LRP1B: variants seen among roughly 807,000 people sequenced by gnomAD.
The protein encoded by LRP1B is LDL receptor related protein 1B.
A neutral mutation model predicts 556.6 loss-of-function variants in LRP1B; 217 were observed. The observed-to-expected ratio is 0.39, with a 90% CI of 0.35 to 0.44. The LOEUF is 0.44. Ranked by LOEUF, LRP1B falls within the 20% of genes least tolerant of loss-of-function variation. The pLI is 1.00. For synonymous variants in LRP1B, 2,047 were observed against 1,865.8 expected, an observed-to-expected ratio of 1.10 and a Z score of -2.50; for missense variants, 5,053 against 5,620.8, an observed-to-expected ratio of 0.90 and a Z score of 3.23.
intron 13 of LRP1B, among the ~76,000 whole-genome samples, chr2:141,014,317 T>C (rs1476341851): frequency 6.6e-6 from 1 of 152,064 alleles, no homozygotes; most frequent in African/African-American, 2.4e-5. Flanking sequence ...TATTAGTAAA[T>C]AGATAAAAAC....
chr2:140,231,499 A>G lies in LRP1B; in HGVS notation c.*1687T>C, dbSNP rs1365423296. The G allele has an allele frequency of 2.0e-5, 3 of 151,860 alleles. No homozygotes were observed. The highest frequency in any genetic ancestry group is 3.0e-5 in the Non-Finnish European group (2 of 67,612). 9.4% of individuals were successfully genotyped at this position (151,860 alleles called of 1,614,324 possible). The stretch of plus-strand genomic sequence containing the variant: ...GTATTTAACACTTCATTGTAGAAAC[A>G]TAGGCAAAATGACTATATTATAACC... On this transcript the variant is annotated 3_prime_UTR_variant, in exon 91 of 91. Coordinates refer to ENST00000389484, the MANE Select transcript of LRP1B (RefSeq NM_018557.3).
intron 7 of LRP1B, among the ~76,000 whole-genome samples, chr2:141,134,225 T>C (rs1052695657): frequency 1.3e-5 from 2 of 151,848 alleles, no homozygotes; most frequent in African/African-American, 2.4e-5. Flanking sequence ...TTTTGCAATA[T>C]AGCCACGGAT....
chr2:141,282,690 G>A (rs1317530741), intron 3 of LRP1B, among the ~76,000 whole-genome samples: 2 of 151,972 alleles, frequency 1.3e-5, no homozygotes, highest in East Asian at 3.9e-4. Context: ...CTATTAAAGT[G>A]CAGAGGAAGG....
rs147271414 is a variant in LRP1B at position 141,494,204 on chromosome 2, C to T, written c.206-13671G>A. On this transcript the variant is annotated intron_variant, in intron 2 of 90. Transcript: ENST00000389484. ...ATGTCAACATCACAGGTCCAAATACCATATGGTACAAGGATCTGTCTTTCC... is the reference window on the plus strand; with the variant it reads ...ATGTCAACATCACAGGTCCAAATACTATATGGTACAAGGATCTGTCTTTCC... 3.1e-4 allele frequency among the ~76,000 whole-genome samples: 47 copies of T among 152,254 alleles called. No homozygotes were observed. The East Asian group carries it at 4.1e-3, about 13-fold the overall frequency.
chr2:140,755,545 C>T (rs181859707), intron 35 of LRP1B, among the ~76,000 whole-genome samples: 5 of 151,510 alleles, frequency 3.3e-5, no homozygotes, highest in Admixed American at 2.0e-4. Flanking sequence ...TTTATTACAC[C>T]GTATCAACAG....
At chr2:140,365,120 G>A (rs1573850179) in intron 71 of LRP1B, among the ~76,000 whole-genome samples, 1 of 151,152 alleles carries the variant, frequency 6.6e-6, no homozygotes, top group East Asian at 2.0e-4. Context: ...ATATTTTTTA[G>A]TTTTAATTGT....
intron 35 of LRP1B, among the ~76,000 whole-genome samples, chr2:140,744,612 A>G (rs1273831822): frequency 1.3e-5 from 2 of 152,182 alleles, no homozygotes; most frequent in Admixed American, 6.5e-5. Context: ...CTGCCTTTCC[A>G]TGAATCTGTG....
intron 41 of LRP1B, among the ~76,000 whole-genome samples, chr2:140,670,968 C>G (rs149466380): frequency 0.013 from 2,043 of 152,006 alleles, 41 homozygotes; most frequent in Admixed American, 0.045. Flanking sequence ...AAAGCAGGTG[C>G]CTATGATAAA....
chr2:140,242,505 T>C (rs993134511), intron 87 of LRP1B, among the ~76,000 whole-genome samples: 6 of 151,220 alleles, frequency 4.0e-5, no homozygotes, highest in Non-Finnish European at 8.9e-5. Flanking sequence ...CCTGAAAATA[T>C]ACTCTATTTT....
intron 3 of LRP1B, among the ~76,000 whole-genome samples, chr2:141,382,187 G>A (rs7599809): frequency 0.55 from 83,460 of 151,960 alleles, 24,946 homozygotes; most frequent in Non-Finnish European, 0.68. Flanking sequence ...TCATTTCTCA[G>A]CAGTGAACCT....
intron 1 of LRP1B, among the ~76,000 whole-genome samples, chr2:142,024,220 C>G (rs925227610): frequency 9.9e-5 from 15 of 152,180 alleles, no homozygotes; most frequent in African/African-American, 2.9e-4. Context: ...TTTGTTATAA[C>G]CATTAAGATG....
intron 3 of LRP1B, among the ~76,000 whole-genome samples, chr2:141,466,687 T>C (rs1469069834): frequency 6.6e-6 from 1 of 152,136 alleles, no homozygotes; most frequent in African/African-American, 2.4e-5. Context: ...GGCCATTTTT[T>C]GGCCATTTTG....
At chr2:140,419,034 T>G (rs935654567) in intron 66 of LRP1B, among the ~76,000 whole-genome samples, 1 of 152,158 alleles carries the variant, frequency 6.6e-6, no homozygotes, top group Non-Finnish European at 1.5e-5. Flanking sequence ...CAGACATGCC[T>G]GACAATCCAA....
intron 6 of LRP1B, among the ~76,000 whole-genome samples, chr2:141,194,176 C>T (rs979725196): frequency 6.6e-6 from 1 of 152,078 alleles, no homozygotes; most frequent in Admixed American, 6.6e-5. Context: ...TTTTGCCATC[C>T]TGCTGGTTCT....
chr2:140,765,614 T>A (rs1689076093), intron 35 of LRP1B, among the ~76,000 whole-genome samples: 1 of 152,156 alleles, frequency 6.6e-6, no homozygotes, highest in African/African-American at 2.4e-5. Context: ...TTGAACATTT[T>A]AAATCTAGCC....
At chr2:140,302,395 A>G (rs1558784189) in intron 83 of LRP1B, among the ~76,000 whole-genome samples, 1 of 152,114 alleles carries the variant, frequency 6.6e-6, no homozygotes, top group East Asian at 1.9e-4. Flanking sequence ...TTTGTCCTCC[A>G]TGGCATACAT....
At chr2:141,746,378 G>A (rs1693915755) in intron 2 of LRP1B, among the ~76,000 whole-genome samples, 1 of 152,146 alleles carries the variant, frequency 6.6e-6, no homozygotes, top group African/African-American at 2.4e-5. Context: ...TCCCTGTGTG[G>A]ATGGGTGCTG....
At chr2:141,939,814 A>G (rs1411906194) in intron 1 of LRP1B, among the ~76,000 whole-genome samples, 1 of 152,092 alleles carries the variant, frequency 6.6e-6, no homozygotes, top group Non-Finnish European at 1.5e-5. Flanking sequence ...GGCAAACACT[A>G]CAATAAGGTA....
intron 3 of LRP1B, among the ~76,000 whole-genome samples, chr2:141,466,973 C>A (rs1573978333): frequency 7.6e-6 from 1 of 130,968 alleles, no homozygotes; most frequent in Admixed American, 7.8e-5. Context: ...ATATATATAT[C>A]CCTAACTGGC....
Sources: allele counts gnomAD v4.1 joint callset (sites outside exome capture counted in the v4.1 genomes callset), GRCh38; gene constraint gnomAD v4.1.1; transcripts MANE v1.5; gene names NCBI Gene and HGNC (gene_info 2026-07-23, HGNC 2026-07-21).